LARGE1: variants seen among roughly 807,000 people sequenced by gnomAD.
The protein encoded by LARGE1 is LARGE xylosyl- and glucuronyltransferase 1.
In LARGE1, 43 loss-of-function variants were observed where a neutral mutation model predicts 87.6. That is an observed-to-expected ratio of 0.49 (90% CI 0.38 to 0.63). The LOEUF (loss-of-function observed/expected upper bound fraction) is 0.63. Among genes scored for constraint, LARGE1 ranks in the 30% least tolerant of loss-of-function variants. The pLI, the probability that LARGE1 is intolerant of heterozygous loss-of-function variation, is 0.00. For missense variants in LARGE1, 802 were observed against 1,000.2 expected (o/e 0.80, Z 2.67); for synonymous variants, 434 against 394.6 (o/e 1.10, Z -1.18).
At chr22:33,159,834 G>A (rs1337768312), downstream of LARGE1, among the ~76,000 whole-genome samples, 6 of 150,926 alleles carry the variant, frequency 4.0e-5, no homozygotes, top group African/African-American at 1.2e-4. Flanking sequence ...TGATCCACCC[G>A]CCTCAGCCTC....
At chr22:33,670,270 CACACT>C (rs2081371594) in intron 2 of LARGE1, among the ~76,000 whole-genome samples, 1 of 151,914 alleles carries the variant, frequency 6.6e-6, no homozygotes, top group African/African-American at 2.4e-5. Context: ...AAGATAAAAT[CACACT>C]GCAAAGAGAA....
intron 13 of LARGE1, among the ~76,000 whole-genome samples, chr22:33,281,838 G>A (rs1177175661): frequency 3.3e-5 from 5 of 152,248 alleles, no homozygotes; most frequent in African/African-American, 7.2e-5. Context: ...ACTGTTGAAC[G>A]AACAACCCAC....
At chr22:33,427,761 C>A (rs1473579960) in intron 7 of LARGE1, among the ~76,000 whole-genome samples, 1 of 152,222 alleles carries the variant, frequency 6.6e-6, no homozygotes, top group South Asian at 2.1e-4. Flanking sequence ...GGCTGCGCCA[C>A]CACAACAGAG....
chr22:33,426,096 G>T (rs1436685610), intron 7 of LARGE1, among the ~76,000 whole-genome samples: 2 of 152,070 alleles, frequency 1.3e-5, no homozygotes, highest in Non-Finnish European at 2.9e-5. Flanking sequence ...GTGACCTCTG[G>T]AATTAGTCTA....
At chr22:33,188,585 A>T (rs1385969802) in intron 11 of LARGE1, among the ~76,000 whole-genome samples, 1 of 152,322 alleles carries the variant, frequency 6.6e-6, no homozygotes, top group African/African-American at 2.4e-5. Flanking sequence ...GGGTCACTGC[A>T]GGGCACCTTC....
downstream of LARGE1, among the ~76,000 whole-genome samples, chr22:33,161,460 G>A (rs768682179): frequency 1.3e-5 from 2 of 152,178 alleles, no homozygotes; most frequent in Non-Finnish European, 2.9e-5. Flanking sequence ...TCTGAGACAA[G>A]GCAAGTTCCT....
chr22:33,789,541 C>G (rs1341279904), intron 1 of LARGE1, among the ~76,000 whole-genome samples: 1 of 152,144 alleles, frequency 6.6e-6, no homozygotes, highest in Non-Finnish European at 1.5e-5. Flanking sequence ...CAACAGCTTG[C>G]ACCAAGCCTC....
At chr22:33,200,413 A>G (rs1924318962) in intron 11 of LARGE1, among the ~76,000 whole-genome samples, 1 of 152,170 alleles carries the variant, frequency 6.6e-6, no homozygotes. Context: ...TGGGGCAGCC[A>G]CTTTGGAAAC....
intron 2 of LARGE1, among the ~76,000 whole-genome samples, chr22:33,760,513 A>G (rs1341272581): frequency 5.3e-5 from 8 of 152,176 alleles, no homozygotes; most frequent in Non-Finnish European, 8.8e-5. Flanking sequence ...CACAACGCGC[A>G]TCGCAACGTG....
At chr22:33,523,212 C>G (rs1479110289) in intron 6 of LARGE1, among the ~76,000 whole-genome samples, 1 of 152,028 alleles carries the variant, frequency 6.6e-6, no homozygotes, top group East Asian at 1.9e-4. Context: ...CCATGTTGGT[C>G]AGGCTGGTCT....
At chr22:33,132,835 TA>T in the LARGE1 span, among the ~76,000 whole-genome samples, 1 of 152,176 alleles carries the variant, frequency 6.6e-6, no homozygotes, top group African/African-American at 2.4e-5. Context: ...CTTCATCTAT[TA>T]TCGTGCATGT....
intron 6 of LARGE1, among the ~76,000 whole-genome samples, chr22:33,447,894 A>G (rs1457731840): frequency 6.6e-6 from 1 of 152,200 alleles, no homozygotes; most frequent in Admixed American, 6.5e-5. Flanking sequence ...CAACACATTC[A>G]GCCATAAAAA....
chr22:33,200,259 T>C (rs1924310986), intron 11 of LARGE1, among the ~76,000 whole-genome samples: 1 of 152,168 alleles, frequency 6.6e-6, no homozygotes, highest in Non-Finnish European at 1.5e-5. Flanking sequence ...AATAAGTAAA[T>C]TATATAGAAC....
intron 6 of LARGE1, among the ~76,000 whole-genome samples, chr22:33,458,110 CTT>C (rs571847420): frequency 4.9e-5 from 7 of 141,954 alleles, no homozygotes; most frequent in Non-Finnish European, 4.6e-5. Flanking sequence ...TAATTTTTTT[CTT>C]TTTTTTTTTT....
At chr22:33,836,087 G>A (rs754223238) in intron 1 of LARGE1, among the ~76,000 whole-genome samples, 4 of 152,196 alleles carry the variant, frequency 2.6e-5, no homozygotes, top group African/African-American at 7.2e-5. Context: ...CTGTCAAAGG[G>A]ATCCGTGACC....
chr22:33,140,021 T>C, the LARGE1 span, among the ~76,000 whole-genome samples: 1,266 of 152,336 alleles, frequency 8.3e-3, 19 homozygotes, highest in African/African-American at 0.027. Flanking sequence ...TCTCCAGTAA[T>C]GGAACCTCTG....
intron 10 of LARGE1, among the ~76,000 whole-genome samples, chr22:33,331,392 C>T (rs1180230435): frequency 1.3e-5 from 2 of 150,362 alleles, no homozygotes; most frequent in African/African-American, 4.9e-5. Context: ...TTCTTTCTCT[C>T]TCTCTTTCTC....
chr22:33,629,964 C>A (rs139800897), intron 3 of LARGE1, among the ~76,000 whole-genome samples: 368 of 152,116 alleles, frequency 2.4e-3, no homozygotes, highest in African/African-American at 8.4e-3. Context: ...TTTGGGAGGC[C>A]GAGGCGGCGG....
chr22:33,270,853 T>A (rs1045992251), downstream of LARGE1, among the ~76,000 whole-genome samples: 2 of 152,210 alleles, frequency 1.3e-5, no homozygotes, highest in Non-Finnish European at 2.9e-5. Context: ...TCAGCAAATA[T>A]GTGCTCTGTA....
Sources: gnomAD v4.1 joint callset for allele counts (sites outside exome capture counted in the v4.1 genomes callset) on GRCh38, gnomAD v4.1.1 for gene constraint, MANE v1.5 for transcripts, NCBI Gene and HGNC (gene_info 2026-07-23, HGNC 2026-07-21) for gene names.